The following ADGRB3 variants were observed in gnomAD, a reference collection of about 807,000 sequenced individuals.
The protein encoded by ADGRB3 is adhesion G protein-coupled receptor B3, also known as brain-specific angiogenesis inhibitor 3.
ADGRB3 carries 37 observed loss-of-function variants against 193.4 expected under a neutral mutation model. The observed-to-expected ratio is 0.19, with a 90% CI of 0.15 to 0.25. ADGRB3 has a LOEUF of 0.25. ADGRB3 is among the 10% of genes least tolerant of loss of function. The pLI is 1.00. For synonymous variants in ADGRB3, 690 were observed against 644.2 expected, an observed-to-expected ratio of 1.07 and a Z score of -1.08; for missense variants, 1,637 against 1,852.9, an observed-to-expected ratio of 0.88 and a Z score of 2.14.
intron 20 of ADGRB3, among the ~76,000 whole-genome samples, chr6:69,260,365 T>C (rs1766897618): frequency 6.6e-6 from 1 of 152,202 alleles, no homozygotes; most frequent in Non-Finnish European, 1.5e-5. Flanking sequence ...ATCTCCCTGC[T>C]GTAAGTGTAT....
chr6:68,789,235 G>A (rs1244377393), intron 3 of ADGRB3, among the ~76,000 whole-genome samples: 2 of 152,066 alleles, frequency 1.3e-5, no homozygotes, highest in Non-Finnish European at 2.9e-5. Context: ...AGTTGATGCA[G>A]TTTCTTCCTA....
chr6:69,232,339 C>A, intron 17 of ADGRB3: 1 of 1,246,742 alleles, frequency 8.0e-7, no homozygotes. Context: ...CTCCCCCATC[C>A]CCCCCACCAC....
At chr6:69,213,546 G>A (rs1765711417) in intron 17 of ADGRB3, among the ~76,000 whole-genome samples, 1 of 152,104 alleles carries the variant, frequency 6.6e-6, no homozygotes, top group East Asian at 1.9e-4. Context: ...TGGGTTTCCT[G>A]ACATTTTGAA....
At chr6:69,173,394 C>A (rs1171975493) in intron 17 of ADGRB3, among the ~76,000 whole-genome samples, 5 of 152,120 alleles carry the variant, frequency 3.3e-5, no homozygotes, top group African/African-American at 1.2e-4. Context: ...ACTGATTTTT[C>A]TTTTTTAAAC....
chr6:68,975,869 G>A (rs1768732045), intron 10 of ADGRB3, among the ~76,000 whole-genome samples: 1 of 152,134 alleles, frequency 6.6e-6, no homozygotes, highest in Admixed American at 6.6e-5. Context: ...CCAAAAAATA[G>A]CTCTTCTTTT....
intron 30 of ADGRB3, among the ~76,000 whole-genome samples, chr6:69,378,838 G>A (rs984101247): frequency 6.6e-6 from 1 of 151,932 alleles, no homozygotes; most frequent in African/African-American, 2.4e-5. Context: ...CAGACATACA[G>A]GTGGCTTTCC....
chr6:68,925,926 T>C (rs1767166698), intron 3 of ADGRB3, among the ~76,000 whole-genome samples: 1 of 152,050 alleles, frequency 6.6e-6, no homozygotes, highest in South Asian at 2.1e-4. Flanking sequence ...ACAGTGACAC[T>C]TAATTTTCAA....
At chr6:69,326,170 G>C (rs367602415) in intron 21 of ADGRB3, among the ~76,000 whole-genome samples, 1 of 152,164 alleles carries the variant, frequency 6.6e-6, no homozygotes, top group East Asian at 1.9e-4. Context: ...ATGAGCCTGG[G>C]AAGTGGAGGT....
At chr6:69,278,561 A>G (rs1767352257) in intron 20 of ADGRB3, among the ~76,000 whole-genome samples, 1 of 152,216 alleles carries the variant, frequency 6.6e-6, no homozygotes, top group African/African-American at 2.4e-5. Context: ...TAACCTAAGC[A>G]TAATTTCAAC....
chr6:69,300,369 A>G (rs1582616394), intron 20 of ADGRB3, among the ~76,000 whole-genome samples: 1 of 151,806 alleles, frequency 6.6e-6, no homozygotes, highest in Non-Finnish European at 1.5e-5. Flanking sequence ...CATACTAAAC[A>G]AGGGAAAACT....
intron 17 of ADGRB3, among the ~76,000 whole-genome samples, chr6:69,176,721 A>T (rs1775436593): frequency 6.6e-6 from 1 of 152,148 alleles, no homozygotes; most frequent in East Asian, 1.9e-4. Context: ...TTCTTTGAAC[A>T]TTGGTAGAAT....
chr6:69,304,757 A>T (rs1768029101), intron 20 of ADGRB3, among the ~76,000 whole-genome samples: 1 of 151,294 alleles, frequency 6.6e-6, no homozygotes, highest in African/African-American at 2.4e-5. Flanking sequence ...TTCTTTTCTC[A>T]GTTTATCTGT....
chr6:69,153,723 A>G (rs934882711), intron 17 of ADGRB3, among the ~76,000 whole-genome samples: 2 of 152,176 alleles, frequency 1.3e-5, no homozygotes, highest in African/African-American at 2.4e-5. Context: ...CTTTAGAAAC[A>G]TAAGAGTAAC....
intron 17 of ADGRB3, among the ~76,000 whole-genome samples, chr6:69,216,552 G>A (rs1013254786): frequency 2.0e-5 from 3 of 152,090 alleles, no homozygotes; most frequent in African/African-American, 4.8e-5. Flanking sequence ...AAAAAGTCCC[G>A]AACCACAGAA....
At chr6:68,936,236 T>C (rs1326573140) in intron 4 of ADGRB3, among the ~76,000 whole-genome samples, 6 of 152,214 alleles carry the variant, frequency 3.9e-5, no homozygotes, top group Non-Finnish European at 7.3e-5. Context: ...AATAGTCACA[T>C]TGAAAAATGC....
intron 17 of ADGRB3, among the ~76,000 whole-genome samples, chr6:69,209,303 C>T (rs1220715792): frequency 6.6e-6 from 1 of 152,186 alleles, no homozygotes; most frequent in Non-Finnish European, 1.5e-5. Context: ...GCCCACTAGG[C>T]ATTGTGCCTC....
chr6:69,258,700 A>G (rs1766835426), intron 20 of ADGRB3, among the ~76,000 whole-genome samples: 1 of 152,272 alleles, frequency 6.6e-6, no homozygotes, highest in Non-Finnish European at 1.5e-5. Flanking sequence ...AATGAAGTGC[A>G]CAATATGGAA....
chr6:69,233,321 G>C lies in ADGRB3; in HGVS notation c.2512G>C (p.Gly838Arg). The C allele has an allele frequency of 6.2e-7, 1 of 1,613,978 alleles. No individual in the cohort carries two copies. Among genetic ancestry groups the C allele is most frequent in the Non-Finnish European group, 8.5e-7 (1 of 1,179,978 alleles). Residue 838 changes from glycine (G) to arginine (R), a missense_variant, in exon 18 of 32, where the codon GGA (glycine) becomes CGA (arginine). Gly to Arg is a moderately radical substitution (Grantham distance 125). Coordinates refer to ENST00000370598, the MANE Select transcript of ADGRB3 (RefSeq NM_001704.3). ...GTCTTTGGGAACGTGGTCCACCCAG[G>C]GATGTAAAACTGTGCTTACCGATGC... ...NESLGTWSTQ[G>R]CKTVLTDASH...
intron 3 of ADGRB3, among the ~76,000 whole-genome samples, chr6:68,883,847 C>T (rs1458077042): frequency 6.6e-6 from 1 of 152,118 alleles, no homozygotes; most frequent in East Asian, 1.9e-4. Flanking sequence ...ATTCTGGACA[C>T]AGAAATACTG....
Sources: allele counts gnomAD v4.1 joint callset (sites outside exome capture counted in the v4.1 genomes callset), GRCh38; gene constraint gnomAD v4.1.1; transcripts MANE v1.5; gene names NCBI Gene and HGNC (gene_info 2026-07-23, HGNC 2026-07-21).